Variants in MYO16 observed in about 807,000 individuals in gnomAD.
MYO16 encodes unconventional myosin-XVI.
A neutral mutation model predicts 205.3 loss-of-function variants in MYO16; 94 were observed. That is an observed-to-expected ratio of 0.46 (90% CI 0.39 to 0.54). The LOEUF (loss-of-function observed/expected upper bound fraction) is 0.54. Among genes scored for constraint, MYO16 ranks in the 20% least tolerant of loss-of-function variants. The pLI, the probability that MYO16 is intolerant of heterozygous loss-of-function variation, is 0.00. For missense variants in MYO16, 2,315 were observed against 2,387.5 expected (o/e 0.97, Z 0.63); for synonymous variants, 988 against 954.0 (o/e 1.04, Z -0.66).
intron 20 of MYO16, among the ~76,000 whole-genome samples, chr13:108,970,617 G>T (rs1883972288): frequency 6.6e-6 from 1 of 152,200 alleles, no homozygotes; most frequent in African/African-American, 2.4e-5. Flanking sequence ...GGGATTTCTG[G>T]ACTTGCTGAT....
intron 4 of MYO16, among the ~76,000 whole-genome samples, chr13:108,735,143 AG>A (rs948267898): frequency 7.2e-5 from 11 of 152,154 alleles, no homozygotes; most frequent in African/African-American, 2.7e-4. Context: ...TTTAAGTTCT[AG>A]GGTACATGTG....
At chr13:108,629,454 T>C, upstream of MYO16, 2 of 173,766 alleles carry the variant, frequency 1.2e-5, no homozygotes, top group Non-Finnish European at 2.4e-5. Context: ...TTGAAAGCTA[T>C]TGAAAAGCCA....
chr13:109,038,588 T>C (rs574966156), intron 23 of MYO16, among the ~76,000 whole-genome samples: 1 of 152,234 alleles, frequency 6.6e-6, no homozygotes, highest in South Asian at 2.1e-4. Context: ...CCCATAATTA[T>C]GTGAGCCAAT....
intron 3 of MYO16, 107 bp from the exon 4 acceptor site, chr13:108,727,333 A>T (rs1478650278): frequency 8.2e-7 from 1 of 1,215,958 alleles, no homozygotes; most frequent in African/African-American, 1.5e-5. Context: ...TTCACCTCTC[A>T]ACTCCCAAAA....
At chr13:108,728,100 C>T (rs1183615910) in intron 4 of MYO16, among the ~76,000 whole-genome samples, 1 of 152,082 alleles carries the variant, frequency 6.6e-6, no homozygotes, top group Non-Finnish European at 1.5e-5. Context: ...CTCACACATA[C>T]TTTATTTTGG....
chr13:109,164,345 C>T (rs1315463056), intron 32 of MYO16, among the ~76,000 whole-genome samples: 2 of 152,086 alleles, frequency 1.3e-5, no homozygotes, highest in Non-Finnish European at 2.9e-5. Context: ...CTTTCGTGTT[C>T]GTACCTCTCA....
chr13:108,527,211 A>G, the MYO16 span, among the ~76,000 whole-genome samples: 1 of 152,222 alleles, frequency 6.6e-6, no homozygotes, highest in Admixed American at 6.5e-5. Context: ...TGGAACTTAT[A>G]CATTATTAAA....
At chr13:108,622,179 C>G (rs181047404) in intron 1 of MYO16, among the ~76,000 whole-genome samples, 1 of 152,256 alleles carries the variant, frequency 6.6e-6, no homozygotes, top group East Asian at 1.9e-4. Context: ...GCAGTGATGT[C>G]TTCAAGGCAA....
chr13:109,144,798 AG>A (rs1418661807), intron 32 of MYO16, among the ~76,000 whole-genome samples: 1 of 152,206 alleles, frequency 6.6e-6, no homozygotes, highest in African/African-American at 2.4e-5. Flanking sequence ...AATGACATCG[AG>A]GAGATTAAAC....
At chr13:108,752,774 T>C (rs1330881997) in intron 4 of MYO16, among the ~76,000 whole-genome samples, 1 of 148,110 alleles carries the variant, frequency 6.8e-6, no homozygotes, top group Non-Finnish European at 1.5e-5. Flanking sequence ...CCTGAATAGC[T>C]GGGATTACAG....
chr13:108,867,910 A>G (rs915814345), intron 12 of MYO16, among the ~76,000 whole-genome samples: 1 of 152,190 alleles, frequency 6.6e-6, no homozygotes, highest in African/African-American at 2.4e-5. Context: ...GAAATCTTGC[A>G]GACTATCTTT....
chr13:108,800,401 A>G (rs994796989), intron 6 of MYO16, among the ~76,000 whole-genome samples: 3 of 152,156 alleles, frequency 2.0e-5, no homozygotes, highest in African/African-American at 7.2e-5. Context: ...ACACACTAAG[A>G]GTGCTCTTTA....
chr13:108,951,407 G>A (rs868192595), intron 16 of MYO16, among the ~76,000 whole-genome samples: 3 of 152,168 alleles, frequency 2.0e-5, no homozygotes, highest in Non-Finnish European at 2.9e-5. Flanking sequence ...AGGAGTGGGC[G>A]TCTGATGATG....
chr13:108,750,712 C>T (rs552880074), intron 4 of MYO16, among the ~76,000 whole-genome samples: 8 of 151,890 alleles, frequency 5.3e-5, no homozygotes, highest in East Asian at 1.9e-4. Context: ...GAGGCTGAGG[C>T]GGGGGAATCG....
chr13:109,194,792 G>T (rs532325383), intron 34 of MYO16, among the ~76,000 whole-genome samples: 5 of 152,088 alleles, frequency 3.3e-5, no homozygotes, highest in Non-Finnish European at 7.4e-5. Context: ...TGGCATTAAA[G>T]ATTTTTGAGC....
At chr13:108,555,694 TTCTA>T in the MYO16 span, among the ~76,000 whole-genome samples, 2 of 152,166 alleles carry the variant, frequency 1.3e-5, no homozygotes, top group Non-Finnish European at 2.9e-5. Context: ...GTTGAACATA[TTCTA>T]TCTAACTGAA....
At chr13:108,825,552 G>T (rs567346880) in intron 9 of MYO16, among the ~76,000 whole-genome samples, 1 of 150,468 alleles carries the variant, frequency 6.6e-6, no homozygotes, top group African/African-American at 2.4e-5. Flanking sequence ...ATTGTATTGC[G>T]GTTTTAGCTT....
At chr13:109,043,608 GC>G (rs1886949846) in intron 23 of MYO16, among the ~76,000 whole-genome samples, 1 of 152,108 alleles carries the variant, frequency 6.6e-6, no homozygotes, top group Non-Finnish European at 1.5e-5. Flanking sequence ...CCAGTACTTA[GC>G]CTTTTTGACT....
intron 4 of MYO16, among the ~76,000 whole-genome samples, chr13:108,731,706 A>G (rs1323510222): frequency 6.6e-6 from 1 of 152,230 alleles, no homozygotes; most frequent in Non-Finnish European, 1.5e-5. Context: ...AATGACTTCT[A>G]CTAACCAATC....
Sources: gnomAD v4.1 joint callset for allele counts (sites outside exome capture counted in the v4.1 genomes callset) on GRCh38, gnomAD v4.1.1 for gene constraint, MANE v1.5 for transcripts, NCBI Gene and HGNC (gene_info 2026-07-23, HGNC 2026-07-21) for gene names.